HSF2: variants seen among roughly 807,000 people sequenced by gnomAD.
The protein encoded by HSF2 is heat shock factor protein 2.
Under a neutral mutation model 65.0 loss-of-function variants are expected in HSF2, and 21 were observed. The observed-to-expected ratio is 0.32, with a 90% CI of 0.23 to 0.47. The LOEUF is 0.47. HSF2 is among the 20% of genes least tolerant of loss of function. The pLI is 1.00. For missense variants in HSF2, 499 were observed against 628.1 expected, an observed-to-expected ratio of 0.79 and a Z score of 2.20; for synonymous variants, 225 against 219.1, an observed-to-expected ratio of 1.03 and a Z score of -0.24.
chr6:122,409,488 A>T (rs143648078), intron 1 of HSF2, among the ~76,000 whole-genome samples: 4 of 151,998 alleles, frequency 2.6e-5, no homozygotes, highest in Admixed American at 1.3e-4. Context: ...GAAAAGACAG[A>T]TGGGTAGATT....
chr6:122,425,073 A>AT (rs1774310902), intron 10 of HSF2, among the ~76,000 whole-genome samples: 2 of 151,878 alleles, frequency 1.3e-5, no homozygotes, highest in Non-Finnish European at 2.9e-5. Flanking sequence ...TTGCCTCTGT[A>AT]TTTGTCTCCT....
intron 3 of HSF2, 146 bp downstream of exon 3, chr6:122,412,910 T>G (rs1053032833): frequency 2.0e-5 from 15 of 768,896 alleles, no homozygotes; most frequent in Non-Finnish European, 2.9e-5. Flanking sequence ...CTTGTTTCCC[T>G]GTATTTTTTT....
In HSF2 at chr6:122,404,110, T is replaced by C. The variant is rs192522907; in HGVS notation, c.93+4280T>C. Among the ~76,000 whole-genome samples the C allele has an allele frequency of 2.6e-5, 4 of 152,290 alleles. No homozygotes were observed. In the East Asian group the frequency reaches 7.7e-4, roughly 29 times the overall value. On this transcript the variant is annotated intron_variant, in intron 1 of 12. Coordinates refer to ENST00000368455, the MANE Select transcript of HSF2 (RefSeq NM_004506.4). Reference sequence around the variant, plus strand: ...AGACTTCATACCCAGCTTTCCCCCCTTTTTGTGCCCTTTGGCATTCTCTGC... The same window carrying C: ...AGACTTCATACCCAGCTTTCCCCCCCTTTTGTGCCCTTTGGCATTCTCTGC...
At chr6:122,428,976 C>T (rs902033265) in intron 11 of HSF2, among the ~76,000 whole-genome samples, 2 of 152,034 alleles carry the variant, frequency 1.3e-5, no homozygotes, top group African/African-American at 4.8e-5. Context: ...TTTGGTTTTT[C>T]AGGCCATATG....
chr6:122,425,560 A>G (rs746253032), intron 10 of HSF2, among the ~76,000 whole-genome samples: 5 of 152,040 alleles, frequency 3.3e-5, no homozygotes, highest in Non-Finnish European at 7.4e-5. Context: ...AATTAACACT[A>G]TTATTAACAT....
Position 122,422,238 on chromosome 6 carries a change from A to C in HSF2, c.770A>C (p.Asp257Ala). ...TATGATGTTACTGATGATAATGCAG[A>C]TGAAGAAAATATCCCAGTTATTCCA... The part of the protein sequence containing the change: ...IIYDVTDDNA[D>A]EENIPVIPET... Residue 257 changes from aspartate (D) to alanine (A), a missense_variant, in exon 8 of 13, where the codon GAT (aspartate) becomes GCT (alanine). Around this residue, in one of 2 missense-constraint regions of HSF2, gnomAD observed 349 missense variants for 393.5 expected, o/e 0.89. Transcript: ENST00000368455. 6.3e-7 allele frequency: 1 copy of C among 1,597,968 alleles called. No individual in the cohort carries two copies. The highest frequency in any genetic ancestry group is 8.6e-7 in the Non-Finnish European group (1 of 1,166,012).
Position 122,422,845 on chromosome 6 carries a change from A to G in HSF2, c.958A>G (p.Ser320Gly). 6.2e-7 allele frequency: 1 copy of G among 1,613,784 alleles called. No homozygotes were observed. Among genetic ancestry groups the G allele is most frequent in the Non-Finnish European group, 8.5e-7 (1 of 1,179,816 alleles). Reference protein sequence around the residue: ...ESLSSGSDGSSPLMSSAVQLN... With the variant: ...ESLSSGSDGSGPLMSSAVQLN... ...CCTAAGTTCAGGCAGTGATGGCAGCAGCCCTCTCATGTCTAGTGCTGTCCA... is the reference window on the plus strand; with the variant it reads ...CCTAAGTTCAGGCAGTGATGGCAGCGGCCCTCTCATGTCTAGTGCTGTCCA... The change falls in exon 9 of 13, where the codon AGC (serine) becomes GGC (glycine). Residue 320 changes from serine (S) to glycine (G), a missense_variant. Physicochemically the swap from Ser to Gly is moderately conservative, Grantham distance 56. Around this residue, in one of 2 missense-constraint regions of HSF2, gnomAD observed 349 missense variants for 393.5 expected, o/e 0.89. Transcript: ENST00000368455.
intron 8 of HSF2, 84 bp from the exon 9 acceptor site, chr6:122,422,634 A>G: frequency 1.4e-6 from 2 of 1,400,600 alleles, no homozygotes; most frequent in Non-Finnish European, 2.0e-6. Flanking sequence ...GTATGGGGAG[A>G]GAGTTTCCAT....
At chr6:122,404,615 C>T (rs750427452) in intron 1 of HSF2, among the ~76,000 whole-genome samples, 9 of 152,106 alleles carry the variant, frequency 5.9e-5, no homozygotes, top group Non-Finnish European at 1.0e-4. Context: ...TGGAGAGTAA[C>T]GACTGTTTCT....
In HSF2 at chr6:122,412,619, A is replaced by G; in HGVS notation, c.203-18A>G. On this transcript the variant is annotated intron_variant, in intron 2 of 12. Coordinates refer to ENST00000368455, the MANE Select transcript of HSF2 (RefSeq NM_004506.4). Reference sequence around the variant, plus strand: ...TGACTTGTTTATTTTAGTCATTTGAATTTTGAATATTTTTCAGATGGTTTC... The same window carrying G: ...TGACTTGTTTATTTTAGTCATTTGAGTTTTGAATATTTTTCAGATGGTTTC... 1 of 1,605,784 alleles carries G rather than the reference A, an allele frequency of 6.2e-7. No homozygotes were observed. The highest frequency in any genetic ancestry group is 8.5e-7 in the Non-Finnish European group (1 of 1,173,674).
intron 1 of HSF2, among the ~76,000 whole-genome samples, chr6:122,403,653 A>G (rs1475170044): frequency 1.3e-5 from 2 of 152,202 alleles, no homozygotes; most frequent in Admixed American, 1.3e-4. Context: ...TATGTTTTAC[A>G]TATTTCCATT....
At position 122,432,163 on chromosome 6, in the gene HSF2, T is replaced by C; in HGVS notation, c.1554T>C (p.Tyr518=). 6.2e-7 allele frequency: 1 copy of C among 1,614,136 alleles called. No individual in the cohort carries two copies. Among genetic ancestry groups the C allele is most frequent in the South Asian group, 1.1e-5 (1 of 91,084 alleles). The change falls in exon 13 of 13, where the codon TAT becomes TAC. Residue 518 remains tyrosine (Y), a synonymous_variant. Transcript: ENST00000368455. ...EAEASEATLF[Y]LCELAPAPLD... ...AAGCTAGTGAAGCTACACTGTTTTATTTATGTGAACTTGCTCCTGCACCTC... is the reference window on the plus strand; with the variant it reads ...AAGCTAGTGAAGCTACACTGTTTTACTTATGTGAACTTGCTCCTGCACCTC...
At chr6:122,409,756 T>TA (rs904439592) in intron 1 of HSF2, among the ~76,000 whole-genome samples, 7 of 152,088 alleles carry the variant, frequency 4.6e-5, no homozygotes, top group Admixed American at 3.3e-4. Context: ...AGAGTAGAGA[T>TA]AGAGTAGGAA....
chr6:122,411,129 G>A (rs902815319), intron 1 of HSF2, among the ~76,000 whole-genome samples: 2 of 151,294 alleles, frequency 1.3e-5, no homozygotes, highest in African/African-American at 4.8e-5. Flanking sequence ...TGTTTTATGC[G>A]TTTTTGATAA....
intron 4 of HSF2, among the ~76,000 whole-genome samples, chr6:122,413,969 G>A (rs1339769443): frequency 6.6e-6 from 1 of 152,036 alleles, no homozygotes; most frequent in Non-Finnish European, 1.5e-5. Flanking sequence ...ATTTAGGTTA[G>A]CTCATATGGT....
Position 122,422,255 on chromosome 6 carries a change from G to C in HSF2, c.787G>C (p.Val263Leu), listed in dbSNP as rs200135653. 3 of 1,600,376 alleles carry C rather than the reference G, an allele frequency of 1.9e-6. No individual in the cohort carries two copies. Among genetic ancestry groups the C allele is most frequent in the Non-Finnish European group, 2.6e-6 (3 of 1,168,400 alleles). The change falls in exon 8 of 13, where the codon GTT (valine) becomes CTT (leucine). Residue 263 changes from valine (V) to leucine (L), a missense_variant. Val to Leu is a conservative substitution (Grantham distance 32). This residue lies in a region of HSF2 where 349 missense variants were observed against 393.5 expected (regional missense o/e 0.89). Coordinates refer to ENST00000368455, the MANE Select transcript of HSF2 (RefSeq NM_004506.4). ...DDNADEENIP[V>L]IPETNEDVIS... Reference sequence around the variant, plus strand: ...TAATGCAGATGAAGAAAATATCCCAGTTATTCCAGAAACTAATGAGGATGT... The same window carrying C: ...TAATGCAGATGAAGAAAATATCCCACTTATTCCAGAAACTAATGAGGATGT...
At chr6:122,430,289 C>T (rs371923682) in intron 11 of HSF2, among the ~76,000 whole-genome samples, 1 of 151,924 alleles carries the variant, frequency 6.6e-6, no homozygotes, top group South Asian at 2.1e-4. Context: ...CTAGTTTATT[C>T]GTGTAGAGGT....
chr6:122,424,896 C>G (rs1045033489), intron 10 of HSF2, among the ~76,000 whole-genome samples: 2 of 152,054 alleles, frequency 1.3e-5, no homozygotes, highest in African/African-American at 4.8e-5. Context: ...AACTTTAAAA[C>G]ATTTGCCACA....
At chr6:122,410,948 GT>G (rs34451736) in intron 1 of HSF2, among the ~76,000 whole-genome samples, 12,604 of 128,790 alleles carry the variant, frequency 0.098, 633 homozygotes, top group East Asian at 0.17. Flanking sequence ...TTGTTTTTGG[GT>G]TTTTTTTTTT....
Sources: allele counts gnomAD v4.1 joint callset (sites outside exome capture counted in the v4.1 genomes callset), GRCh38; gene constraint gnomAD v4.1.1; regional missense constraint gnomAD v4.1.1; transcripts MANE v1.5; gene names NCBI Gene and HGNC (gene_info 2026-07-23, HGNC 2026-07-21).